Variants in VWA3A observed in about 807,000 individuals in gnomAD.
The protein encoded by VWA3A is von Willebrand factor A domain-containing protein 3A.
Under a neutral mutation model 160.4 loss-of-function variants are expected in VWA3A, and 134 were observed. The ratio of observed to expected loss-of-function variants is 0.84; its 90% CI spans 0.73 to 0.96. The LOEUF (loss-of-function observed/expected upper bound fraction) is 0.96, where lower values mean the gene tolerates loss of function less well. Ranked by LOEUF, VWA3A falls within the 40% of genes least tolerant of loss-of-function variation. The pLI, the probability that VWA3A is intolerant of heterozygous loss-of-function variation, is 0.00. For synonymous variants in VWA3A, 476 were observed against 543.4 expected, an observed-to-expected ratio of 0.88 and a Z score of 1.72; for missense variants, 1,310 against 1,447.9, an observed-to-expected ratio of 0.90 and a Z score of 1.55.
At position 22,142,652 on chromosome 16, in the gene VWA3A, A is replaced by C; in HGVS notation, c.2495-16A>C. ...CCATCCAAACTATAGCAATGACCTC[A>C]CTCTGCTTCTTCTAGGCTCAGTGTA... On this transcript the variant is annotated splice_polypyrimidine_tract_variant and intron_variant, in intron 24 of 33. Transcript: ENST00000389398. The C allele has an allele frequency of 6.5e-7, 1 of 1,548,694 alleles. No individual in the cohort carries two copies. The highest frequency in any genetic ancestry group is 8.8e-7 in the Non-Finnish European group (1 of 1,142,740).
At chr16:22,141,438 G>A (rs2046147082) in intron 23 of VWA3A, 144 bp from the exon 24 acceptor site, 1 of 705,618 alleles carries the variant, frequency 1.4e-6, no homozygotes, top group East Asian at 2.7e-5. Flanking sequence ...GGCGGGGGAG[G>A]ACACAGGGTG....
At chr16:22,149,708 T>C in intron 28 of VWA3A, 79 bp from the exon 29 acceptor site, 3 of 1,446,786 alleles carry the variant, frequency 2.1e-6, no homozygotes, top group Non-Finnish European at 2.8e-6. Flanking sequence ...CTTATCTGAA[T>C]TCAATCTAGA....
chr16:22,123,173 A>T lies in VWA3A; in HGVS notation c.1437+8A>T, dbSNP rs972325761. ...TTCCTCTATAAGTACCAGGTCAGTG[A>T]TGGGTTCAATCAGTCAGAAAATGGG... On this transcript the variant is annotated splice_region_variant and intron_variant, in intron 15 of 33. Transcript: ENST00000389398. 1.9e-6 allele frequency: 3 copies of T among 1,594,870 alleles called. No individual in the cohort carries two copies. The highest frequency in any genetic ancestry group is 2.6e-6 in the Non-Finnish European group (3 of 1,169,996).
In VWA3A at chr16:22,118,924, A is replaced by G. The variant is rs1038357598; in HGVS notation, c.1013A>G (p.Asp338Gly). The G allele has an allele frequency of 5.6e-6, 9 of 1,613,746 alleles. No homozygotes were observed. Among genetic ancestry groups the G allele is most frequent in the African/African-American group, 1.3e-5 (1 of 74,872 alleles). Reference sequence around the variant, plus strand: ...CAGCACTACACCAGCCGGGACATGGATGAGCTCCTGGCAGAAATTCAGAAG... The same window carrying G: ...CAGCACTACACCAGCCGGGACATGGGTGAGCTCCTGGCAGAAATTCAGAAG... Reference protein sequence around the residue: ...KMEHYTSRDMDELLAEIQKAQ... With the variant: ...KMEHYTSRDMGELLAEIQKAQ... Residue 338 changes from aspartate to glycine, a missense_variant, in exon 12 of 34, where the codon GAT becomes GGT. By Grantham distance (94) the Asp-to-Gly change is moderately conservative. Transcript: ENST00000389398.
At chr16:22,125,931 C>T (rs1021036563) in intron 16 of VWA3A, among the ~76,000 whole-genome samples, 1 of 152,076 alleles carries the variant, frequency 6.6e-6, no homozygotes, top group Non-Finnish European at 1.5e-5. Flanking sequence ...ACCACTTAAA[C>T]CATCTCCACC....
Position 22,123,115 on chromosome 16 carries a change from G to A in VWA3A, c.1387G>A (p.Gly463Arg), listed in dbSNP as rs181878439. 3.5e-5 allele frequency: 57 copies of A among 1,606,450 alleles called. No individual in the cohort carries two copies. The highest frequency in any genetic ancestry group is 1.8e-4 in the East Asian group (8 of 44,722). ...AATGATACAATTTGAATGGCACGAC[G>A]GGACAGTGAAGAACATTCATGTGGA... ...KAMIQFEWHD[G>R]TVKNIHVDPP... The change falls in exon 15 of 34, where the codon GGG becomes AGG. Residue 463 changes from glycine to arginine, a missense_variant. By Grantham distance (125) the Gly-to-Arg change is moderately radical. Coordinates refer to ENST00000389398, the MANE Select transcript of VWA3A (RefSeq NM_173615.5).
At chr16:22,110,832 G>A in intron 7 of VWA3A, 56 bp from the exon 8 acceptor site, 1 of 1,521,118 alleles carries the variant, frequency 6.6e-7, no homozygotes, top group Non-Finnish European at 8.9e-7. Flanking sequence ...GAGAGGCAAA[G>A]CCAGGCTCCC....
At chr16:22,133,996 C>T (rs2045996351) in intron 20 of VWA3A, among the ~76,000 whole-genome samples, 1 of 152,066 alleles carries the variant, frequency 6.6e-6, no homozygotes, top group South Asian at 2.1e-4. Context: ...CGGGGTCTCC[C>T]TCTGTCACCC....
Position 22,156,029 on chromosome 16 carries a change from C to T in VWA3A, c.*15-3C>T. 6 of 1,194,436 alleles carry T rather than the reference C, an allele frequency of 5.0e-6. No homozygotes were observed. The highest frequency in any genetic ancestry group is 5.9e-6 in the Non-Finnish European group (5 of 844,232). 74.0% of individuals were successfully genotyped at this position (1,194,436 alleles called of 1,614,324 possible). The stretch of plus-strand genomic sequence containing the variant: ...GTTAAAAAATAATGATTCCTCTAAA[C>T]AGAAAAGTCATCCTGCAAAGGACCA... On this transcript the variant is annotated splice_region_variant and splice_polypyrimidine_tract_variant and intron_variant, in intron 33 of 33. Coordinates refer to ENST00000389398, the MANE Select transcript of VWA3A (RefSeq NM_173615.5).
At chr16:22,138,931 G>A (rs1486249391) in intron 22 of VWA3A, among the ~76,000 whole-genome samples, 1 of 152,072 alleles carries the variant, frequency 6.6e-6, no homozygotes, top group African/African-American at 2.4e-5. Context: ...GGCTGAGCCT[G>A]CTAGGGGCTT....
chr16:22,139,742 C>T (rs1266066609), intron 22 of VWA3A, among the ~76,000 whole-genome samples: 11 of 152,026 alleles, frequency 7.2e-5, no homozygotes, highest in Admixed American at 6.6e-4. Context: ...CCTGATAAGG[C>T]ACAGAAGTTA....
Position 22,138,494 on chromosome 16 carries a change from C to G in VWA3A, c.2274C>G (p.Val758=). 3.7e-6 allele frequency: 6 copies of G among 1,613,938 alleles called. No homozygotes were observed. The highest frequency in any genetic ancestry group is 5.1e-6 in the Non-Finnish European group (6 of 1,179,868). ...AGCTCTGCCCTCCCAGGCCCACCGT[C>G]CCCCTGGGGGCCAGAATGGTTTGAC... is the stretch of plus-strand genomic sequence containing the variant. ...PKKLCPPRPT[V]PLGARMSIKD... Residue 758 remains valine (V), a synonymous_variant, in exon 22 of 34, where the codon GTC becomes GTG. Coordinates refer to ENST00000389398, the MANE Select transcript of VWA3A (RefSeq NM_173615.5).
At chr16:22,125,452 C>T (rs1228401775) in intron 16 of VWA3A, among the ~76,000 whole-genome samples, 5 of 151,858 alleles carry the variant, frequency 3.3e-5, no homozygotes, top group Non-Finnish European at 7.4e-5. Context: ...GAGACGGAAT[C>T]TCGCTCTGTC....
At chr16:22,154,717 C>T (rs1313158355) in intron 31 of VWA3A, among the ~76,000 whole-genome samples, 8 of 146,056 alleles carry the variant, frequency 5.5e-5, no homozygotes, top group African/African-American at 7.6e-5. Flanking sequence ...CACTTTGGGA[C>T]GCCGAGGCGG....
intron 12 of VWA3A, 143 bp downstream of exon 12, chr16:22,119,170 C>T (rs1235760368): frequency 1.2e-6 from 1 of 811,918 alleles, no homozygotes; most frequent in African/African-American, 1.8e-5. Context: ...GCCCACCCTC[C>T]ATTGCACCCC....
At chr16:22,097,723 C>G in intron 3 of VWA3A, 28 bp downstream of exon 3, 2 of 1,550,108 alleles carry the variant, frequency 1.3e-6, no homozygotes, top group Middle Eastern at 1.7e-4. Context: ...TTAACTGGGT[C>G]GTGATACTAC....
intron 27 of VWA3A, 132 bp from the exon 28 acceptor site, chr16:22,148,030 A>T: frequency 8.6e-7 from 1 of 1,168,844 alleles, no homozygotes; most frequent in Admixed American, 2.8e-5. Context: ...CAGTGGGGTG[A>T]CATCCAATCA....
At position 22,154,323 on chromosome 16, in the gene VWA3A, C is replaced by CTTTTTTTTTTTTTTTTT. The variant is rs988862954; in HGVS notation, c.3406-1236_3406-1220dup. Among the ~76,000 whole-genome samples the CTTTTTTTTTTTTTTTTT allele has an allele frequency of 8.1e-5, 6 of 73,902 alleles. 1 individual carries two copies. Among genetic ancestry groups the CTTTTTTTTTTTTTTTTT allele is most frequent in the Admixed American group, 3.2e-4 (2 of 6,228 alleles). 48.5% of individuals were successfully genotyped at this position (73,902 alleles called of 152,430 possible). On this transcript the variant is annotated intron_variant, in intron 31 of 33. Coordinates refer to ENST00000389398, the MANE Select transcript of VWA3A (RefSeq NM_173615.5). ...GGATGGCTTCCTCTTTTTTCTTTTT[C>CTTTTTTTTTTTTTTTTT]TTTTTTTTTTTTTTTTTTTTTTTTG...
At chr16:22,124,089 G>T (rs1174674308) in intron 16 of VWA3A, among the ~76,000 whole-genome samples, 1 of 151,538 alleles carries the variant, frequency 6.6e-6, no homozygotes, top group East Asian at 1.9e-4. Flanking sequence ...GCAGGGGCAG[G>T]CGGGTCGCTT....
Sources: gnomAD v4.1 joint callset for allele counts (sites outside exome capture counted in the v4.1 genomes callset) on GRCh38, gnomAD v4.1.1 for gene constraint, MANE v1.5 for transcripts, NCBI Gene and HGNC (gene_info 2026-07-23, HGNC 2026-07-21) for gene names.